The following INF2 variants were observed in gnomAD, a reference collection of about 807,000 sequenced individuals.
INF2 encodes the protein inverted formin-2.
In INF2, 43 loss-of-function variants were observed where a neutral mutation model predicts 123.5. The ratio of observed to expected loss-of-function variants is 0.35; its 90% CI spans 0.27 to 0.45. The LOEUF is 0.45. Ranked by LOEUF, INF2 falls within the 20% of genes least tolerant of loss-of-function variation. INF2 has a pLI of 1.00. For missense variants in INF2, 1,453 were observed against 1,682.7 expected (o/e 0.86, Z 2.39); for synonymous variants, 851 against 745.0 (o/e 1.14, Z -2.32).
At chr14:104,710,590 AAC>A (rs1269788341) in intron 13 of INF2, 1 of 497,806 alleles carries the variant, frequency 2.0e-6, no homozygotes, top group Non-Finnish European at 3.7e-6. Context: ...ACACCCCCCC[AAC>A]ACACACACCC....
rs539316548 is a variant in INF2, at chr14:104,681,829, C to T, written c.-104+247C>T. Among the ~76,000 whole-genome samples the T allele has an allele frequency of 8.5e-5, 13 of 152,350 alleles. No individual in the cohort carries two copies. In the South Asian group the frequency reaches 1.0e-3, roughly 12 times the overall value. ...CCCTTGGTTGCTGAGCATGGCTGAC[C>T]CCTGGCCACACCCGGCCTGGACGTT... is the stretch of plus-strand genomic sequence containing the variant. On this transcript the variant is annotated intron_variant, in intron 1 of 2. Coordinates refer to the INF2 transcript ENST00000674723.
intron 16 of INF2, among the ~76,000 whole-genome samples, chr14:104,711,979 G>C (rs1429136092): frequency 6.6e-6 from 1 of 152,204 alleles, no homozygotes; most frequent in African/African-American, 2.4e-5. Context: ...CCCTTCACAA[G>C]GTGGACCTTC....
rs746572452 is a variant in INF2 at position 104,703,425 on chromosome 14, C to T, written c.638C>T (p.Ala213Val). ...AVILGPEDLR[A>V]RTQLRNEFIG... ...ATCTTGGGCCCCGAGGACCTGCGCG[C>T]GCGCACCCAGCTGCGGAACGAGTTT... The change falls in exon 4 of 23, where the codon GCG (alanine) becomes GTG (valine). Residue 213 changes from alanine to valine, a missense_variant. Transcript: ENST00000392634. The T allele has an allele frequency of 4.0e-5, 64 of 1,612,648 alleles. No individual in the cohort carries two copies. Among genetic ancestry groups the T allele is most frequent in the Middle Eastern group, 1.7e-4 (1 of 6,026 alleles).
At position 104,706,890 on chromosome 14, in the gene INF2, C is replaced by A. The variant is rs779011249; in HGVS notation, c.844-20C>A. The A allele has an allele frequency of 3.1e-6, 5 of 1,602,274 alleles. No homozygotes were observed. The Admixed American group carries it at 5.0e-5, about 16-fold the overall frequency. On this transcript the variant is annotated intron_variant, in intron 6 of 22. Coordinates refer to ENST00000392634, the MANE Select transcript of INF2 (RefSeq NM_022489.4). ...GGGAGGGGCCGGCTGCTGACCTGCACCCCACACTCGCCCGTCCAGGTGAGC... is the reference window on the plus strand; with the variant it reads ...GGGAGGGGCCGGCTGCTGACCTGCAACCCACACTCGCCCGTCCAGGTGAGC...
At chr14:104,711,774 T>A in intron 16 of INF2, 75 bp downstream of exon 16, 1 of 1,407,102 alleles carries the variant, frequency 7.1e-7, no homozygotes, top group Admixed American at 1.8e-5. Flanking sequence ...GTGAGGTGGC[T>A]GCCCGCCAGG....
intron 1 of INF2, among the ~76,000 whole-genome samples, chr14:104,694,971 C>T (rs1260788505): frequency 1.3e-5 from 2 of 152,164 alleles, no homozygotes; most frequent in African/African-American, 4.8e-5. Context: ...TGCCCTTCCC[C>T]CTCCCAGGTT....
intron 1 of INF2, among the ~76,000 whole-genome samples, chr14:104,698,439 G>A (rs1889303523): frequency 6.6e-6 from 1 of 152,216 alleles, no homozygotes; most frequent in Non-Finnish European, 1.5e-5. Flanking sequence ...GCGGGGGAGT[G>A]GGAAGCCTCA....
At chr14:104,702,753 A>G (rs1037290307) in intron 2 of INF2, among the ~76,000 whole-genome samples, 1 of 152,258 alleles carries the variant, frequency 6.6e-6, no homozygotes, top group African/African-American at 2.4e-5. Context: ...GAACTTTCAC[A>G]GCTCCAGATG....
chr14:104,701,318 T>TGG, intron 1 of INF2, 39 bp from the exon 2 acceptor site: 2 of 1,539,196 alleles, frequency 1.3e-6, no homozygotes, highest in Non-Finnish European at 1.8e-6. Flanking sequence ...ACAGCCCCCA[T>TGG]CCCCTCCCCG....
chr14:104,688,162 C>G (rs1231893930), upstream of INF2, among the ~76,000 whole-genome samples: 1 of 152,260 alleles, frequency 6.6e-6, no homozygotes, highest in Non-Finnish European at 1.5e-5. Context: ...GAGCAGCGGC[C>G]GCCCAGGTTG....
chr14:104,713,723 G>A, intron 20 of INF2, 117 bp downstream of exon 20: 2 of 1,193,318 alleles, frequency 1.7e-6, no homozygotes, highest in South Asian at 3.0e-5. Context: ...GGCCACCCTG[G>A]AGGCCCCTAA....
chr14:104,709,818 G>A (rs1279868555), intron 12 of INF2, 113 bp downstream of exon 12: 38 of 940,194 alleles, frequency 4.0e-5, no homozygotes, highest in Non-Finnish European at 5.6e-5. Flanking sequence ...TGGCTGCCCC[G>A]GGCTCCAGGA....
At chr14:104,683,174 T>G in intron 1 of INF2, among the ~76,000 whole-genome samples, 1 of 50,318 alleles carries the variant, frequency 2.0e-5, no homozygotes, top group Non-Finnish European at 4.2e-5. Flanking sequence ...GGTCTGCGGG[T>G]GGCTGCAATG....
intron 1 of INF2, among the ~76,000 whole-genome samples, chr14:104,694,539 G>C (rs1248209882): frequency 6.6e-6 from 1 of 152,214 alleles, no homozygotes; most frequent in Admixed American, 6.5e-5. Context: ...ATTACAGGTG[G>C]CATCTCGTCA....
intron 20 of INF2, 98 bp downstream of exon 20, chr14:104,713,704 C>T (rs1315167629): frequency 7.2e-7 from 1 of 1,388,778 alleles, no homozygotes; most frequent in Non-Finnish European, 9.8e-7. Context: ...AAGCCCTCTC[C>T]TCTCCCTGGG....
Position 104,711,242 on chromosome 14 carries a change from G to A in INF2, c.2418+56G>A, listed in dbSNP as rs1249107312. 2.0e-5 allele frequency: 28 copies of A among 1,421,324 alleles called. No individual in the cohort carries two copies. In the Admixed American group the frequency reaches 4.7e-4, roughly 24 times the overall value. The allele number at this position is 1,421,324 out of a possible 1,614,324, so 88.0% of individuals were successfully genotyped here. On this transcript the variant is annotated intron_variant, in intron 15 of 22. Coordinates refer to ENST00000392634, the MANE Select transcript of INF2 (RefSeq NM_022489.4). ...GGGCTTCAAGTCCCCCCGGACCTGGGGTGTAGAGGCGTAGAGGCCATACCC... is the reference window on the plus strand; with the variant it reads ...GGGCTTCAAGTCCCCCCGGACCTGGAGTGTAGAGGCGTAGAGGCCATACCC...
chr14:104,708,575 G>A lies in INF2; in HGVS notation c.1875G>A (p.Lys625=), dbSNP rs760447056. Residue 625 remains lysine, a synonymous_variant, in exon 9 of 23, where the codon AAG becomes AAA. Coordinates refer to ENST00000392634, the MANE Select transcript of INF2 (RefSeq NM_022489.4). ...CCATGGTGGCCCCCCGGGCCAGGAA[G>A]GAGCCCAAGGAGGTGGGGACGGGGA... is the stretch of plus-strand genomic sequence containing the variant. ...EPTMVAPRAR[K]EPKEITFLDA... is the part of the protein sequence containing the mutation. 2 of 1,612,568 alleles carry A rather than the reference G, an allele frequency of 1.2e-6. No homozygotes were observed. The highest frequency in any genetic ancestry group is 3.3e-5 in the Admixed American group (2 of 60,008).
chr14:104,701,685 C>G lies in INF2; in HGVS notation c.320C>G (p.Ala107Gly). The change falls in exon 2 of 23, where the codon GCC (alanine) becomes GGC (glycine). Residue 107 changes from alanine to glycine, a missense_variant. Around this residue, in one of 8 missense-constraint regions of INF2, gnomAD observed 251 missense variants for 349.4 expected, o/e 0.72. Coordinates refer to ENST00000392634, the MANE Select transcript of INF2 (RefSeq NM_022489.4). ...CTCACCTGCGTCAGCTGCGTGCGCG[C>G]CGTCATGAACTCGCGGCAGGGCATC... ...LQLTCVSCVR[A>G]VMNSRQGIEY... 1 of 1,573,136 alleles carries G rather than the reference C, an allele frequency of 6.4e-7. No homozygotes were observed. Among genetic ancestry groups the G allele is most frequent in the Non-Finnish European group, 8.6e-7 (1 of 1,159,990 alleles).
chr14:104,707,074 T>G, intron 7 of INF2, 23 bp downstream of exon 7: 3 of 1,564,114 alleles, frequency 1.9e-6, no homozygotes, highest in Non-Finnish European at 2.6e-6. Flanking sequence ...GGCAGGGGCG[T>G]AGGCACAGCC....
Sources: allele counts gnomAD v4.1 joint callset (sites outside exome capture counted in the v4.1 genomes callset), GRCh38; gene constraint gnomAD v4.1.1; regional missense constraint gnomAD v4.1.1; transcripts MANE v1.5; gene names NCBI Gene and HGNC (gene_info 2026-07-23, HGNC 2026-07-21).